The following MIPOL1 variants were observed in gnomAD, a reference collection of about 807,000 sequenced individuals.
MIPOL1 encodes the protein mirror-image polydactyly 1.
MIPOL1 carries 57 observed loss-of-function variants against 60.9 expected under a neutral mutation model. That is an observed-to-expected ratio of 0.94 (90% CI 0.76 to 1.17). The LOEUF (loss-of-function observed/expected upper bound fraction) is 1.17. Ranked by LOEUF, MIPOL1 falls within the 50% of genes most tolerant of loss-of-function variation. The pLI is 0.00. For missense variants in MIPOL1, 551 were observed against 511.6 expected (o/e 1.08, Z -0.74); for synonymous variants, 179 against 168.8 (o/e 1.06, Z -0.47).
intron 10 of MIPOL1, among the ~76,000 whole-genome samples, chr14:37,374,561 A>G (rs879313840): frequency 9.9e-5 from 15 of 152,094 alleles, no homozygotes; most frequent in South Asian, 2.1e-4. Context: ...TAATTTTTGT[A>G]TAAGATGTAA....
At chr14:37,483,942 T>G (rs2094911417) in intron 11 of MIPOL1, among the ~76,000 whole-genome samples, 1 of 152,212 alleles carries the variant, frequency 6.6e-6, no homozygotes, top group Non-Finnish European at 1.5e-5. Flanking sequence ...GTCCTGAAAT[T>G]ATTTTTTCAA....
chr14:37,450,662 T>G (rs2094403993), intron 11 of MIPOL1, among the ~76,000 whole-genome samples: 1 of 152,080 alleles, frequency 6.6e-6, no homozygotes, highest in African/African-American at 2.4e-5. Context: ...GAAATTTTCC[T>G]TAATATTATT....
chr14:37,550,661 AAG>A lies in MIPOL1; in HGVS notation c.*3692_*3693del, dbSNP rs2095559672. ...TTAAACAAATACATGGAATGGTTGA[AAG>A]ATTTATTTTGCTCGTGCTTAGCTAA... On this transcript the variant is annotated 3_prime_UTR_variant, in exon 13 of 13. Transcript: ENST00000684589. The A allele has an allele frequency of 6.6e-6, 1 of 152,566 alleles. No individual in the cohort carries two copies. Among genetic ancestry groups the A allele is most frequent in the African/African-American group, 2.4e-5 (1 of 41,460 alleles). 9.5% of individuals were successfully genotyped at this position (152,566 alleles called of 1,614,324 possible). A position where few individuals can be genotyped will look rare whatever the true frequency, so the allele number is the denominator to read the frequency against.
At chr14:37,509,109 C>T (rs2095305392) in intron 12 of MIPOL1, among the ~76,000 whole-genome samples, 1 of 151,990 alleles carries the variant, frequency 6.6e-6, no homozygotes, top group South Asian at 2.1e-4. Context: ...GGAATGTCAT[C>T]TATTTCCTTA....
chr14:37,350,817 G>C (rs1168429145), intron 9 of MIPOL1, among the ~76,000 whole-genome samples: 1 of 152,052 alleles, frequency 6.6e-6, no homozygotes, highest in Non-Finnish European at 1.5e-5. Flanking sequence ...ACAAATAAGT[G>C]AGAACATGCG....
intron 4 of MIPOL1, among the ~76,000 whole-genome samples, chr14:37,267,691 T>C (rs2082986123): frequency 6.6e-6 from 1 of 152,198 alleles, no homozygotes; most frequent in Admixed American, 6.5e-5. Context: ...AAAGTGCATC[T>C]GAAGAAAGAC....
chr14:37,385,551 G>T (rs895757908), intron 10 of MIPOL1: 3 of 151,938 alleles, frequency 2.0e-5, no homozygotes, highest in East Asian at 1.9e-4. Context: ...AGGATGGCTG[G>T]TTTTTTTATA....
intron 10 of MIPOL1, among the ~76,000 whole-genome samples, chr14:37,398,823 A>G (rs1194239445): frequency 6.6e-6 from 1 of 152,186 alleles, no homozygotes; most frequent in Non-Finnish European, 1.5e-5. Flanking sequence ...ATTTACTTAC[A>G]TGTTATGTAC....
intron 10 of MIPOL1, among the ~76,000 whole-genome samples, chr14:37,379,975 C>T (rs1475768959): frequency 6.6e-6 from 1 of 151,964 alleles, no homozygotes; most frequent in Non-Finnish European, 1.5e-5. Context: ...CACCTAATGA[C>T]CTTGAGCTAT....
Position 37,422,954 on chromosome 14 carries a change from A to C in MIPOL1, c.1031+5A>C, listed in dbSNP as rs1387666980. On this transcript the variant is annotated splice_donor_5th_base_variant and intron_variant, in intron 11 of 12. Transcript: ENST00000684589. ...GACCCTTCGAGTTTACTACAGGTAA[A>C]ATTCTTTTTAGCCTGGGGTTAAGTA... 3 of 1,573,664 alleles carry C rather than the reference A, an allele frequency of 1.9e-6. No individual in the cohort carries two copies. Among genetic ancestry groups the C allele is most frequent in the African/African-American group, 2.7e-5 (2 of 73,546 alleles).
At chr14:37,483,970 C>T (rs926592340) in intron 11 of MIPOL1, among the ~76,000 whole-genome samples, 5 of 152,150 alleles carry the variant, frequency 3.3e-5, no homozygotes, top group African/African-American at 9.7e-5. Flanking sequence ...TCTGCATTTC[C>T]ATGTTCATTG....
At chr14:37,429,697 C>G (rs1009194502) in intron 11 of MIPOL1, among the ~76,000 whole-genome samples, 2 of 151,850 alleles carry the variant, frequency 1.3e-5, no homozygotes, top group South Asian at 2.1e-4. Context: ...AAGTAAAATT[C>G]TTTATTTTTT....
intron 3 of MIPOL1, among the ~76,000 whole-genome samples, chr14:37,253,661 T>C (rs564739541): frequency 1.7e-4 from 26 of 151,926 alleles, no homozygotes; most frequent in South Asian, 8.3e-4. Flanking sequence ...TATGAATCCT[T>C]AATAACAGTA....
chr14:37,425,797 T>TA (rs1210909129), intron 11 of MIPOL1, among the ~76,000 whole-genome samples: 25 of 152,234 alleles, frequency 1.6e-4, no homozygotes, highest in African/African-American at 5.8e-4. Flanking sequence ...AGTCAAATGT[T>TA]ACTAAGTGGT....
At chr14:37,251,657 T>C (rs1974129692) in intron 3 of MIPOL1, among the ~76,000 whole-genome samples, 1 of 152,048 alleles carries the variant, frequency 6.6e-6, no homozygotes, top group Admixed American at 6.6e-5. Context: ...TTGTACTTAC[T>C]TATATACATA....
chr14:37,422,668 A>G (rs2093894124), intron 10 of MIPOL1, among the ~76,000 whole-genome samples, 187 bp from the exon 11 acceptor site: 1 of 151,890 alleles, frequency 6.6e-6, no homozygotes, highest in African/African-American at 2.4e-5. Context: ...AATATGTTCA[A>G]GTTTTTAGTG....
chr14:37,443,781 A>T (rs2094290013), intron 11 of MIPOL1, among the ~76,000 whole-genome samples: 1 of 151,678 alleles, frequency 6.6e-6, no homozygotes. Context: ...TACAAAAACT[A>T]GCAAACCAAA....
intron 9 of MIPOL1, among the ~76,000 whole-genome samples, chr14:37,316,258 T>A (rs775270976): frequency 6.6e-5 from 10 of 152,092 alleles, no homozygotes; most frequent in Non-Finnish European, 1.3e-4. Context: ...CTTGAACTCC[T>A]GACCTCAGGT....
At chr14:37,347,348 C>G (rs57233419) in intron 9 of MIPOL1, among the ~76,000 whole-genome samples, 11,434 of 152,010 alleles carry the variant, frequency 0.075, 1,459 homozygotes, top group African/African-American at 0.26. Flanking sequence ...AAACTATAAT[C>G]ACTGAAATTA....
Sources: gnomAD v4.1 joint callset for allele counts (sites outside exome capture counted in the v4.1 genomes callset) on GRCh38, gnomAD v4.1.1 for gene constraint, MANE v1.5 for transcripts, NCBI Gene and HGNC (gene_info 2026-07-23, HGNC 2026-07-21) for gene names.